Variants in HOMER3 observed in about 807,000 individuals in gnomAD.
The protein encoded by HOMER3 is homer scaffold protein 3.
In HOMER3, 34 loss-of-function variants were observed where a neutral mutation model predicts 45.5. That is an observed-to-expected ratio of 0.75 (90% CI 0.57 to 1.00). HOMER3 has a LOEUF of 1.00. HOMER3 is among the 50% of genes least tolerant of loss of function. The probability of loss-of-function intolerance (pLI) is 0.00; values close to 1 mark genes in which losing one functional copy is unlikely to be tolerated. For synonymous variants in HOMER3, 223 were observed against 208.8 expected (o/e 1.07, Z -0.58); for missense variants, 480 against 497.5 (o/e 0.96, Z 0.33).
intron 9 of HOMER3, 152 bp downstream of exon 9, chr19:18,931,173 A>T (rs1178569056): frequency 7.8e-6 from 5 of 643,598 alleles, no homozygotes; most frequent in Non-Finnish European, 1.4e-5. Context: ...AACTGTACCA[A>T]CAGCCACTGT....
At chr19:18,932,385 A>C (rs1421648295) in intron 6 of HOMER3, among the ~76,000 whole-genome samples, 1 of 12,684 alleles carries the variant, frequency 7.9e-5, no homozygotes, top group Non-Finnish European at 1.5e-4. Flanking sequence ...CGCTGGGCTG[A>C]GGCGGAGTCA....
chr19:18,929,539 A>AGCCCGC lies in HOMER3; in HGVS notation c.984_989dup (p.Arg329_Ala330dup), dbSNP rs1307207887. ...GCAGCTGCGCTGCCCGGCCCACCTC[A>AGCCCGC]GCCCGCGCCCGCTCCCGCTCTGCCC... On this transcript the variant is annotated inframe_insertion, in exon 10 of 10. Transcript: ENST00000392351. The AGCCCGC allele has an allele frequency of 7.1e-6, 11 of 1,560,142 alleles. No homozygotes were observed. Among genetic ancestry groups the AGCCCGC allele is most frequent in the Non-Finnish European group, 7.8e-6 (9 of 1,154,532 alleles).
At position 18,931,415 on chromosome 19, in the gene HOMER3, G is replaced by A. The variant is rs370020369; in HGVS notation, c.808-4C>T. The A allele has an allele frequency of 5.9e-5, 96 of 1,613,798 alleles. No homozygotes were observed. Among genetic ancestry groups the A allele is most frequent in the Non-Finnish European group, 8.0e-5 (94 of 1,179,788 alleles). ...GACTCTTCAGGGTCTGAATCTCCTA[G>A]AGGAGAAGAGTTCCCAGGGTCTGTT... On this transcript the variant is annotated splice_region_variant and splice_polypyrimidine_tract_variant and intron_variant, in intron 8 of 9. Transcript: ENST00000392351.
chr19:18,937,444 A>C (rs1341946022), intron 4 of HOMER3, among the ~76,000 whole-genome samples: 1 of 152,052 alleles, frequency 6.6e-6, no homozygotes, highest in Non-Finnish European at 1.5e-5. Flanking sequence ...TGGGAGGCCG[A>C]GGCAGGTGGA....
Position 18,929,460 on chromosome 19 carries a change from C to CT in HOMER3, c.1068_1069insA (p.Ala357SerfsTer2). On this transcript the variant is annotated frameshift_variant, in exon 10 of 10. Coordinates refer to ENST00000392351, the MANE Select transcript of HOMER3 (RefSeq NM_004838.4). LOFTEE classifies it high-confidence loss of function. ...GCCCCGGCTCAGGGCGCAGCCTCAG[C>CT]CAGGCGGGCCAGGCCCTCACGCAGC... The CT allele has an allele frequency of 6.9e-6, 11 of 1,595,114 alleles. No individual in the cohort carries two copies. The highest frequency in any genetic ancestry group is 9.4e-6 in the Non-Finnish European group (11 of 1,174,368).
Position 18,931,526 on chromosome 19 carries a change from C to T in HOMER3, c.790G>A (p.Val264Met), listed in dbSNP as rs201906107. 9.3e-6 allele frequency: 15 copies of T among 1,613,680 alleles called. No individual in the cohort carries two copies. The East Asian group carries it at 3.3e-4, about 36-fold the overall frequency. ...GQSLEQLEAL[V>M]QTKDQEIQTL... is the part of the protein sequence containing the mutation. ...GCACTCACCTGGTCCTTGGTTTGCA[C>T]CAGAGCTTCCAGCTGTTCCAGCGAC... is the stretch of plus-strand genomic sequence containing the variant. Residue 264 changes from valine to methionine, a missense_variant, in exon 8 of 10, where the codon GTG becomes ATG. Transcript: ENST00000392351.
At chr19:18,932,873 T>TGC in intron 6 of HOMER3, 51 bp downstream of exon 6, 60 of 877,052 alleles carry the variant, frequency 6.8e-5, no homozygotes, top group Non-Finnish European at 7.6e-5. Context: ...CGCCTCCTCG[T>TGC]CCCCCACCCC....
chr19:18,932,567 C>T (rs1431557668), intron 6 of HOMER3, among the ~76,000 whole-genome samples: 1 of 151,566 alleles, frequency 6.6e-6, no homozygotes, highest in Non-Finnish European at 1.5e-5. Context: ...GAAGGGGGCA[C>T]GTGGAGTCCG....
chr19:18,930,249 CAAAA>C (rs35747460), intron 9 of HOMER3, among the ~76,000 whole-genome samples: 1 of 93,732 alleles, frequency 1.1e-5, no homozygotes. Context: ...GACTCCATCT[CAAAA>C]AAAAAAAAAA....
In HOMER3 at chr19:18,941,114, C is replaced by T. The variant is rs1013868610; in HGVS notation, c.-131G>A. The T allele has an allele frequency of 2.7e-5, 4 of 150,358 alleles. No homozygotes were observed. The highest frequency in any genetic ancestry group is 7.3e-5 in the African/African-American group (3 of 41,118). 9.3% of individuals were successfully genotyped at this position (150,358 alleles called of 1,614,324 possible). On this transcript the variant is annotated 5_prime_UTR_variant, in exon 1 of 10. Transcript: ENST00000392351. ...TCGGGTGCGGCCCCCGCGGCGCTGA[C>T]TCCGCGCTGCCGGGCGCCCCGCTCG...
At chr19:18,939,141 CGT>C (rs2057127994) in intron 1 of HOMER3, 92 bp from the exon 2 acceptor site, 1 of 666,540 alleles carries the variant, frequency 1.5e-6, no homozygotes, top group East Asian at 2.8e-5. Flanking sequence ...CAGGTGTGCC[CGT>C]CATGGAACTT....
intron 1 of HOMER3, chr19:18,940,711 C>G (rs1258460909): frequency 1.3e-5 from 2 of 152,266 alleles, no homozygotes; most frequent in Non-Finnish European, 2.9e-5. Flanking sequence ...GACTCCTAAA[C>G]TTCGAGGACC....
chr19:18,929,321 G>T lies in HOMER3; in HGVS notation c.*122C>A. 1.2e-6 allele frequency: 1 copy of T among 844,824 alleles called. No individual in the cohort carries two copies. The highest frequency in any genetic ancestry group is 1.9e-6 in the Non-Finnish European group (1 of 528,200). The allele number at this position is 844,824 out of a possible 1,614,324, so 52.3% of individuals were successfully genotyped here. On this transcript the variant is annotated 3_prime_UTR_variant, in exon 10 of 10. Transcript: ENST00000392351. ...GGCCCACCCCAGCCCAGCCCGGCCC[G>T]GCCCACCCAGGGCTAAGTTGGGACC...
At position 18,932,003 on chromosome 19, in the gene HOMER3, A is replaced by C; in HGVS notation, c.663T>G (p.Arg221=). 2 of 1,545,300 alleles carry C rather than the reference A, an allele frequency of 1.3e-6. No individual in the cohort carries two copies. Among genetic ancestry groups the C allele is most frequent in the Non-Finnish European group, 1.7e-6 (2 of 1,145,708 alleles). ...AQWRQQLEAQ[R]AEAERLRQRV... Reference sequence around the variant, plus strand: ...GCTGCCGCAGCCGCTCGGCCTCTGCACGCTGAGCCTCCAGCTGCTGCCTCC... The same window carrying C: ...GCTGCCGCAGCCGCTCGGCCTCTGCCCGCTGAGCCTCCAGCTGCTGCCTCC... Residue 221 remains arginine (R), a synonymous_variant, in exon 7 of 10, where the codon CGT becomes CGG. Coordinates refer to ENST00000392351, the MANE Select transcript of HOMER3 (RefSeq NM_004838.4).
chr19:18,939,203 G>A, intron 1 of HOMER3, 154 bp from the exon 2 acceptor site: 1 of 523,334 alleles, frequency 1.9e-6, no homozygotes, highest in East Asian at 3.0e-5. Context: ...GCTTTGGGAG[G>A]CTGAGTCAGG....
Position 18,931,411 on chromosome 19 carries a change from C to G in HOMER3, c.808G>C (p.Glu270Gln). The change falls in exon 9 of 10, where the codon GAG becomes CAG. Residue 270 changes from glutamate (E) to glutamine (Q), a missense_variant and splice_region_variant. Coordinates refer to ENST00000392351, the MANE Select transcript of HOMER3 (RefSeq NM_004838.4). ...GTCTGACTCTTCAGGGTCTGAATCT[C>G]CTAGAGGAGAAGAGTTCCCAGGGTC... Reference protein sequence around the residue: ...LEALVQTKDQEIQTLKSQTGG... With the variant: ...LEALVQTKDQQIQTLKSQTGG... 1 of 1,614,126 alleles carries G rather than the reference C, an allele frequency of 6.2e-7. No individual in the cohort carries two copies.
chr19:18,938,474 T>C lies in HOMER3; in HGVS notation c.182A>G (p.Asn61Ser), dbSNP rs764507027. Residue 61 changes from asparagine (N) to serine (S), a missense_variant, in exon 4 of 10, where the codon AAC becomes AGC. By Grantham distance (46) the Asn-to-Ser change is conservative. Transcript: ENST00000392351. ...ISIGGAKAII[N>S]STVTPNMTFT... ...GGTCATGTTGGGAGTGACAGTGCTG[T>C]TGATGATGGCCTAGGGTCGGGGAAC... 2 of 1,613,778 alleles carry C rather than the reference T, an allele frequency of 1.2e-6. No individual in the cohort carries two copies. Among genetic ancestry groups the C allele is most frequent in the Non-Finnish European group, 1.7e-6 (2 of 1,179,678 alleles).
intron 2 of HOMER3, 27 bp from the exon 3 acceptor site, chr19:18,938,911 G>A: frequency 6.2e-7 from 1 of 1,606,270 alleles, no homozygotes; most frequent in Non-Finnish European, 8.5e-7. Context: ...TGTTTGGTGG[G>A]GGCCAGGCAC....
intron 6 of HOMER3, among the ~76,000 whole-genome samples, chr19:18,932,691 G>A (rs1191556137): frequency 3.9e-5 from 6 of 151,944 alleles, no homozygotes; most frequent in Non-Finnish European, 8.8e-5. Context: ...ACGGGGCGAG[G>A]TTAGCAGCGA....
Sources: allele counts gnomAD v4.1 joint callset (sites outside exome capture counted in the v4.1 genomes callset), GRCh38; gene constraint gnomAD v4.1.1; transcripts MANE v1.5; gene names NCBI Gene and HGNC (gene_info 2026-07-23, HGNC 2026-07-21).